The following CARMIL1 variants were observed in gnomAD, a reference collection of about 807,000 sequenced individuals.
The protein encoded by CARMIL1 is F-actin-uncapping protein LRRC16A.
In CARMIL1, 90 loss-of-function variants were observed where a neutral mutation model predicts 177.1. That is an observed-to-expected ratio of 0.51 (90% CI 0.43 to 0.61). The LOEUF (loss-of-function observed/expected upper bound fraction) is 0.61. Ranked by LOEUF, CARMIL1 falls within the 20% of genes least tolerant of loss-of-function variation. CARMIL1 has a pLI of 0.00. For missense variants in CARMIL1, 1,380 were observed against 1,667.0 expected, an observed-to-expected ratio of 0.83 and a Z score of 3.00; for synonymous variants, 577 against 606.2, an observed-to-expected ratio of 0.95 and a Z score of 0.71.
chr6:25,477,852 C>CTT lies in CARMIL1; in HGVS notation c.875-4385_875-4384dup, dbSNP rs56068417. Among the ~76,000 whole-genome samples, 708 of 97,990 alleles carry CTT rather than the reference C, an allele frequency of 7.2e-3. 32 individuals carry two copies. Among genetic ancestry groups the CTT allele is most frequent in the East Asian group, 0.025 (84 of 3,298 alleles). 64.3% of individuals were successfully genotyped at this position (97,990 alleles called of 152,430 possible). A position where few individuals can be genotyped will look rare whatever the true frequency, so the allele number is the denominator to read the frequency against. On this transcript the variant is annotated intron_variant, in intron 11 of 36. Coordinates refer to ENST00000329474, the MANE Select transcript of CARMIL1 (RefSeq NM_017640.6). ...TGTCTGTCCTCACTTCTTCTCATCA[C>CTT]TTTTTTTTTTTTTTTTTTTTTGAGA...
intron 9 of CARMIL1, among the ~76,000 whole-genome samples, chr6:25,467,646 T>C (rs1800737445): frequency 6.6e-6 from 1 of 152,162 alleles, no homozygotes; most frequent in Non-Finnish European, 1.5e-5. Context: ...TACCTAATCA[T>C]TTCAGTCCTG....
intron 2 of CARMIL1, among the ~76,000 whole-genome samples, chr6:25,321,936 G>T (rs1784707310): frequency 6.6e-6 from 1 of 152,038 alleles, no homozygotes; most frequent in Admixed American, 6.6e-5. Context: ...GGGATTACAG[G>T]TGTGAGCCAC....
At chr6:25,600,263 G>A (rs1304554661) in intron 32 of CARMIL1, 51 bp from the exon 33 acceptor site, 7 of 1,489,474 alleles carry the variant, frequency 4.7e-6, no homozygotes, top group Non-Finnish European at 6.4e-6. Flanking sequence ...ATTCTTGCTG[G>A]AACTTATTTA....
chr6:25,513,522 A>G (rs1202040695), intron 20 of CARMIL1, among the ~76,000 whole-genome samples: 1 of 152,232 alleles, frequency 6.6e-6, no homozygotes, highest in Non-Finnish European at 1.5e-5. Context: ...GATGATAAGG[A>G]CAATAATATG....
intron 2 of CARMIL1, among the ~76,000 whole-genome samples, chr6:25,354,341 T>C (rs1373445493): frequency 8.1e-6 from 1 of 122,704 alleles, no homozygotes; most frequent in Non-Finnish European, 1.6e-5. Context: ...TTTTTTTTTT[T>C]TTTTTTTTTT....
intron 29 of CARMIL1, among the ~76,000 whole-genome samples, chr6:25,570,095 C>T (rs952678280): frequency 6.6e-6 from 1 of 151,986 alleles, no homozygotes; most frequent in African/African-American, 2.4e-5. Flanking sequence ...CTCCAGAGTA[C>T]CTGGGACTAC....
intron 29 of CARMIL1, among the ~76,000 whole-genome samples, chr6:25,572,100 G>C (rs921337909): frequency 6.6e-6 from 1 of 152,134 alleles, no homozygotes; most frequent in Non-Finnish European, 1.5e-5. Flanking sequence ...GGTTATATAG[G>C]AAAATATGAT....
At chr6:25,520,475 C>T (rs1409786925) in intron 23 of CARMIL1, 138 bp downstream of exon 23, 1 of 571,020 alleles carries the variant, frequency 1.8e-6, no homozygotes, top group Non-Finnish European at 3.1e-6. Context: ...GTCTTATGTT[C>T]TTATGACCAC....
chr6:25,563,420 G>GT, intron 29 of CARMIL1: 1 of 985,318 alleles, frequency 1.0e-6, no homozygotes, highest in Non-Finnish European at 1.2e-6. Context: ...CTGTATATAT[G>GT]TATGTGAGAG....
At chr6:25,592,865 GCTCT>G (rs1814453587) in intron 31 of CARMIL1, among the ~76,000 whole-genome samples, 1 of 152,148 alleles carries the variant, frequency 6.6e-6, no homozygotes, top group Non-Finnish European at 1.5e-5. Flanking sequence ...CAAGATGCAT[GCTCT>G]CTCTCAGTCA....
At chr6:25,460,938 T>TA (rs1800063774) in intron 8 of CARMIL1, among the ~76,000 whole-genome samples, 1 of 152,160 alleles carries the variant, frequency 6.6e-6, no homozygotes, top group African/African-American at 2.4e-5. Flanking sequence ...TTAAAAGACT[T>TA]ACATGTATCA....
At chr6:25,353,553 C>G (rs969240245) in intron 2 of CARMIL1, among the ~76,000 whole-genome samples, 2 of 152,114 alleles carry the variant, frequency 1.3e-5, no homozygotes, top group Admixed American at 6.5e-5. Flanking sequence ...TGCTCTTATC[C>G]CCATTGCTCT....
At chr6:25,282,253 CTG>C (rs1162124304) in intron 1 of CARMIL1, among the ~76,000 whole-genome samples, 1 of 152,076 alleles carries the variant, frequency 6.6e-6, no homozygotes, top group African/African-American at 2.4e-5. Context: ...ATTTTCCAGT[CTG>C]TTTCCATGTG....
At chr6:25,469,507 T>C (rs1288881397) in intron 9 of CARMIL1, among the ~76,000 whole-genome samples, 1 of 152,138 alleles carries the variant, frequency 6.6e-6, no homozygotes, top group African/African-American at 2.4e-5. Context: ...ACAGCCTAGG[T>C]TGCAAGGAGA....
At chr6:25,450,070 T>C in intron 6 of CARMIL1, 75 bp downstream of exon 6, 1 of 1,233,016 alleles carries the variant, frequency 8.1e-7, no homozygotes, top group Non-Finnish European at 1.1e-6. Context: ...AGTCTATTCC[T>C]AGTGTGCTAC....
chr6:25,472,144 AG>A (rs746580529), intron 10 of CARMIL1, among the ~76,000 whole-genome samples: 1 of 151,490 alleles, frequency 6.6e-6, no homozygotes, highest in African/African-American at 2.4e-5. Context: ...TAAATTATGG[AG>A]GGGCCAGAAA....
intron 2 of CARMIL1, among the ~76,000 whole-genome samples, chr6:25,387,358 A>G (rs773877899): frequency 6.6e-6 from 1 of 152,206 alleles, no homozygotes; most frequent in Non-Finnish European, 1.5e-5. Context: ...TAATAGGCTG[A>G]AGAGCATATG....
chr6:25,541,219 TC>T (rs771318337), intron 26 of CARMIL1, among the ~76,000 whole-genome samples: 14 of 152,146 alleles, frequency 9.2e-5, no homozygotes, highest in Non-Finnish European at 1.9e-4. Flanking sequence ...AAAGTGAAAA[TC>T]CCGTGAGATC....
chr6:25,404,714 C>A (rs1023453201), intron 2 of CARMIL1, among the ~76,000 whole-genome samples: 29 of 151,102 alleles, frequency 1.9e-4, no homozygotes, highest in Middle Eastern at 3.4e-3. Flanking sequence ...CGAGATCTTA[C>A]CACTGCACTC....
Sources: allele counts gnomAD v4.1 joint callset (sites outside exome capture counted in the v4.1 genomes callset), GRCh38; gene constraint gnomAD v4.1.1; transcripts MANE v1.5; gene names NCBI Gene and HGNC (gene_info 2026-07-23, HGNC 2026-07-21).